Variants in MYOM1 observed in about 807,000 individuals in gnomAD.
MYOM1 encodes myomesin-1.
Under a neutral mutation model 205.3 loss-of-function variants are expected in MYOM1, and 164 were observed. The observed-to-expected ratio is 0.80, with a 90% CI of 0.70 to 0.91. MYOM1 has a LOEUF of 0.91. Ranked by LOEUF, MYOM1 falls within the 40% of genes least tolerant of loss-of-function variation. The pLI is 0.00. For missense variants in MYOM1, 2,011 were observed against 2,127.3 expected (o/e 0.95, Z 1.08); for synonymous variants, 772 against 789.4 (o/e 0.98, Z 0.37).
intron 28 of MYOM1, 93 bp from the exon 29 acceptor site, chr18:3,089,334 A>C: frequency 9.8e-7 from 1 of 1,024,758 alleles, no homozygotes; most frequent in Non-Finnish European, 1.4e-6. Flanking sequence ...TTACATCTGA[A>C]GTCAGATTTT....
At chr18:3,168,192 T>G (rs1402206277) in intron 9 of MYOM1, among the ~76,000 whole-genome samples, 1 of 152,232 alleles carries the variant, frequency 6.6e-6, no homozygotes, top group Non-Finnish European at 1.5e-5. Flanking sequence ...AGGATTTTAT[T>G]GTTTCATAAG....
At chr18:3,195,281 G>T (rs908569519) in intron 2 of MYOM1, among the ~76,000 whole-genome samples, 1 of 152,172 alleles carries the variant, frequency 6.6e-6, no homozygotes. Context: ...ACCTCCCCCA[G>T]TGGGGAATAT....
chr18:3,237,858 G>A, the MYOM1 span, among the ~76,000 whole-genome samples: 1 of 152,112 alleles, frequency 6.6e-6, no homozygotes, highest in South Asian at 2.1e-4. Context: ...AAAGAGTTAT[G>A]GAGCTGGATG....
chr18:3,186,781 GGA>G (rs370961705), intron 5 of MYOM1, among the ~76,000 whole-genome samples: 4 of 123,962 alleles, frequency 3.2e-5, no homozygotes, highest in African/African-American at 1.2e-4. Context: ...AAGGAAGGAA[GGA>G]GAGAGAGAAA....
chr18:3,201,541 T>C (rs368571501), intron 2 of MYOM1, among the ~76,000 whole-genome samples: 1 of 152,094 alleles, frequency 6.6e-6, no homozygotes, highest in Non-Finnish European at 1.5e-5. Flanking sequence ...CACATGTACA[T>C]GCACATATAT....
the MYOM1 span, among the ~76,000 whole-genome samples, chr18:3,231,534 C>CTTT: frequency 5.7e-3 from 684 of 120,170 alleles, 17 homozygotes; most frequent in African/African-American, 0.019. Context: ...AATATGCATC[C>CTTT]TTTTTTTTTT....
At chr18:3,170,589 C>T (rs903698016) in intron 8 of MYOM1, among the ~76,000 whole-genome samples, 2 of 152,096 alleles carry the variant, frequency 1.3e-5, no homozygotes, top group African/African-American at 4.8e-5. Context: ...ATCTTATTTA[C>T]AGATTGAGTA....
intron 2 of MYOM1, among the ~76,000 whole-genome samples, chr18:3,204,306 T>C (rs1342171208): frequency 2.0e-5 from 3 of 151,990 alleles, no homozygotes; most frequent in Non-Finnish European, 4.4e-5. Context: ...TTACAGATGA[T>C]ATAATCCTAT....
At chr18:3,216,054 G>A (rs2081262541) in intron 1 of MYOM1, among the ~76,000 whole-genome samples, 1 of 152,126 alleles carries the variant, frequency 6.6e-6, no homozygotes, top group Admixed American at 6.5e-5. Context: ...GATCACTTGA[G>A]GTCAGGAGTT....
At chr18:3,121,020 G>A (rs1448631455) in intron 19 of MYOM1, among the ~76,000 whole-genome samples, 3 of 152,126 alleles carry the variant, frequency 2.0e-5, no homozygotes, top group Non-Finnish European at 4.4e-5. Flanking sequence ...AGTATCAGAT[G>A]CAAAAGAAGA....
chr18:3,092,731 G>A (rs2079242708), intron 26 of MYOM1, among the ~76,000 whole-genome samples: 2 of 152,112 alleles, frequency 1.3e-5, no homozygotes, highest in Non-Finnish European at 2.9e-5. Context: ...AGCCTCACCT[G>A]CAGGAAGTCA....
intron 6 of MYOM1, among the ~76,000 whole-genome samples, chr18:3,175,318 C>T (rs9965454): frequency 6.0e-4 from 92 of 152,248 alleles, no homozygotes; most frequent in African/African-American, 2.1e-3. Context: ...CACCTTGACA[C>T]TTAGGCACAT....
rs1231816972 is a variant in MYOM1, at chr18:3,132,110, A to ATGTG, written c.2385-618_2385-615dup. ...TTATACTCTAAAATTATTATTATAT[A>ATGTG]TGTGTGTGTATATATATATATATAT... On this transcript the variant is annotated intron_variant, in intron 16 of 37. Transcript: ENST00000356443. 4.5e-4 allele frequency among the ~76,000 whole-genome samples: 32 copies of ATGTG among 70,494 alleles called. No individual in the cohort carries two copies. The East Asian group carries it at 4.9e-3, about 11-fold the overall frequency. The allele number at this position is 70,494 out of a possible 152,430, so 46.2% of individuals were successfully genotyped here. A position where few individuals can be genotyped will look rare whatever the true frequency, so the allele number is the denominator to read the frequency against.
the MYOM1 span, among the ~76,000 whole-genome samples, chr18:3,229,476 G>T: frequency 6.6e-6 from 1 of 152,038 alleles, no homozygotes; most frequent in African/African-American, 2.4e-5. Flanking sequence ...TGCACAAATA[G>T]AAGTATTCCT....
rs1218153936 is a variant in MYOM1, at chr18:3,135,742, A to G, written c.2026-12T>C. ...GTTCCTGCCTCACACTGCAGCAAGA[A>G]CAGGGAAACCCATTGAAAGCACAGC... On this transcript the variant is annotated splice_polypyrimidine_tract_variant and intron_variant, in intron 14 of 37. Transcript: ENST00000356443. The surrounding 1 kb of genome is among the most constrained non-coding windows in gnomAD (Gnocchi z 4.1). The G allele has an allele frequency of 2.5e-6, 4 of 1,613,654 alleles. No individual in the cohort carries two copies. In the Admixed American group the frequency reaches 5.0e-5, roughly 20 times the overall value.
At chr18:3,196,605 G>A (rs992898330) in intron 2 of MYOM1, among the ~76,000 whole-genome samples, 2 of 152,196 alleles carry the variant, frequency 1.3e-5, no homozygotes, top group African/African-American at 4.8e-5. Flanking sequence ...AATTGTGTGT[G>A]TGTGCAGGTA....
chr18:3,218,499 A>AG (rs1794465736), intron 1 of MYOM1, among the ~76,000 whole-genome samples: 1 of 152,232 alleles, frequency 6.6e-6, no homozygotes, highest in Non-Finnish European at 1.5e-5. Context: ...GGAAAAAAAT[A>AG]GCTACTAGCA....
intron 1 of MYOM1, chr18:3,216,853 C>T (rs936488228): frequency 1.3e-5 from 2 of 152,160 alleles, no homozygotes; most frequent in African/African-American, 4.8e-5. Flanking sequence ...TGTATCCTCT[C>T]AAAATTCCTG....
In MYOM1 at chr18:3,135,730, A is replaced by G. The variant is rs986206922; in HGVS notation, c.2026T>C (p.Cys676Arg). ...TGCCAGTTTTCTGTTCCTGCCTCAC[A>G]CTGCAGCAAGAACAGGGAAACCCAT... ...HEGIMYFVEKCEAGTENWQRV... is the reference protein window; with the variant it reads ...HEGIMYFVEKREAGTENWQRV... The change falls in exon 15 of 38, where the codon TGT becomes CGT. Residue 676 changes from cysteine (C) to arginine (R), a missense_variant and splice_region_variant. Physicochemically the swap from Cys to Arg is radical, Grantham distance 180. Coordinates refer to ENST00000356443, the MANE Select transcript of MYOM1 (RefSeq NM_003803.4). The surrounding 1 kb of genome is among the most constrained non-coding windows in gnomAD (Gnocchi z 4.1). The G allele has an allele frequency of 2.5e-6, 4 of 1,613,604 alleles. No homozygotes were observed. The highest frequency in any genetic ancestry group is 2.2e-5 in the East Asian group (1 of 44,882).
Sources: gnomAD v4.1 joint callset for allele counts (sites outside exome capture counted in the v4.1 genomes callset) on GRCh38, gnomAD v4.1.1 for gene constraint, Gnocchi (gnomAD v3.1) non-coding constraint, MANE v1.5 for transcripts, NCBI Gene and HGNC (gene_info 2026-07-23, HGNC 2026-07-21) for gene names.